LSAMP: variants seen among roughly 807,000 people sequenced by gnomAD.
LSAMP encodes the protein limbic system associated membrane protein, also known as limbic system-associated membrane protein.
Under a neutral mutation model 38.6 loss-of-function variants are expected in LSAMP, and 7 were observed. The ratio of observed to expected loss-of-function variants is 0.18; its 90% CI spans 0.10 to 0.34. The LOEUF is 0.34. LSAMP is among the 10% of genes least tolerant of loss of function. The pLI is 1.00. For synonymous variants in LSAMP, 154 were observed against 166.8 expected, an observed-to-expected ratio of 0.92 and a Z score of 0.59; for missense variants, 313 against 420.0, an observed-to-expected ratio of 0.75 and a Z score of 2.23.
intron 1 of LSAMP, among the ~76,000 whole-genome samples, chr3:116,431,198 C>T (rs996334467): frequency 6.6e-6 from 1 of 151,760 alleles, no homozygotes; most frequent in Non-Finnish European, 1.5e-5. Context: ...ATTATTTTGG[C>T]GTAATTGCTT....
chr3:115,945,756 T>C (rs1347028292), intron 3 of LSAMP, among the ~76,000 whole-genome samples: 1 of 152,060 alleles, frequency 6.6e-6, no homozygotes, highest in Admixed American at 6.6e-5. Context: ...TAAAAAGAAG[T>C]TTCAATCTAA....
intron 1 of LSAMP, among the ~76,000 whole-genome samples, chr3:116,273,061 C>T (rs1004288023): frequency 8.5e-5 from 13 of 152,118 alleles, no homozygotes; most frequent in South Asian, 4.1e-4. Context: ...GCTCACTGTT[C>T]GCTCAAAGGT....
At chr3:116,143,636 C>T (rs1709424704) in intron 1 of LSAMP, among the ~76,000 whole-genome samples, 1 of 151,922 alleles carries the variant, frequency 6.6e-6, no homozygotes, top group Non-Finnish European at 1.5e-5. Flanking sequence ...TTAACTATGA[C>T]CCCTTTCACC....
intron 1 of LSAMP, among the ~76,000 whole-genome samples, chr3:116,159,163 A>G (rs1359519684): frequency 2.6e-5 from 4 of 152,154 alleles, no homozygotes; most frequent in Admixed American, 2.6e-4. Flanking sequence ...CTTGAAGACA[A>G]CCTAGGAAAT....
At chr3:116,030,271 C>G (rs9848298) in intron 2 of LSAMP, among the ~76,000 whole-genome samples, 69,660 of 152,002 alleles carry the variant, frequency 0.46, 17,384 homozygotes, top group African/African-American at 0.67. Flanking sequence ...TTCAGCTAAG[C>G]GTGTCCATTA....
chr3:115,890,362 A>G (rs917259272), intron 3 of LSAMP, among the ~76,000 whole-genome samples: 1 of 151,930 alleles, frequency 6.6e-6, no homozygotes, highest in Non-Finnish European at 1.5e-5. Context: ...ATGTAACTCT[A>G]CATGATAATC....
intron 1 of LSAMP, among the ~76,000 whole-genome samples, chr3:116,267,874 G>A (rs1476413572): frequency 6.6e-6 from 1 of 151,972 alleles, no homozygotes; most frequent in Non-Finnish European, 1.5e-5. Context: ...CTTGCTGATG[G>A]AATGACCAAT....
At chr3:115,923,557 AT>A (rs1246216428) in intron 3 of LSAMP, among the ~76,000 whole-genome samples, 1 of 152,202 alleles carries the variant, frequency 6.6e-6, no homozygotes, top group Non-Finnish European at 1.5e-5. Flanking sequence ...GTAAGTCTTA[AT>A]TTAGATAATC....
intron 1 of LSAMP, among the ~76,000 whole-genome samples, chr3:116,087,300 AG>A (rs1708013717): frequency 6.6e-6 from 1 of 152,246 alleles, no homozygotes; most frequent in Non-Finnish European, 1.5e-5. Flanking sequence ...TAGATCAAAA[AG>A]GGTAAAGGAA....
intron 3 of LSAMP, among the ~76,000 whole-genome samples, chr3:115,887,118 G>T (rs1032638592): frequency 1.3e-5 from 2 of 151,792 alleles, no homozygotes; most frequent in Non-Finnish European, 2.9e-5. Flanking sequence ...TGGGACAAAG[G>T]AATAGCCTAT....
chr3:115,995,328 T>A (rs1219538081), intron 3 of LSAMP, among the ~76,000 whole-genome samples: 1 of 152,046 alleles, frequency 6.6e-6, no homozygotes, highest in African/African-American at 2.4e-5. Flanking sequence ...CCAGTACTGA[T>A]CCCAGACAAG....
intron 3 of LSAMP, among the ~76,000 whole-genome samples, chr3:115,918,608 C>G (rs1245178063): frequency 6.6e-6 from 1 of 151,952 alleles, no homozygotes; most frequent in Non-Finnish European, 1.5e-5. Flanking sequence ...ATGGCTTTGG[C>G]TGAGTGATGA....
intron 3 of LSAMP, among the ~76,000 whole-genome samples, chr3:115,950,284 A>C (rs568193106): frequency 1.3e-5 from 2 of 152,282 alleles, no homozygotes; most frequent in African/African-American, 2.4e-5. Context: ...GGTAAAGAGG[A>C]AGTCAAACTG....
intron 1 of LSAMP, among the ~76,000 whole-genome samples, chr3:116,169,403 T>C (rs1426007614): frequency 6.6e-6 from 1 of 152,198 alleles, no homozygotes; most frequent in Admixed American, 6.5e-5. Flanking sequence ...GAGAAAAAAG[T>C]GGGAAGATAG....
intron 1 of LSAMP, among the ~76,000 whole-genome samples, chr3:116,386,970 A>G (rs1426243053): frequency 6.6e-6 from 1 of 152,206 alleles, no homozygotes; most frequent in Non-Finnish European, 1.5e-5. Flanking sequence ...GCTAAGATAC[A>G]GAAGAACAGA....
Position 116,290,734 on chromosome 3 carries a change from AAATAATAATAATAAT to A in LSAMP, c.155+154128_155+154142del, listed in dbSNP as rs201227569. Among the ~76,000 whole-genome samples the A allele has an allele frequency of 4.2e-3, 594 of 140,494 alleles. 7 individuals are homozygous for A. The highest frequency in any genetic ancestry group is 0.014 in the African/African-American group (559 of 38,884). The allele number at this position is 140,494 out of a possible 152,430, so 92.2% of individuals were successfully genotyped here. ...GACAGAGCGAGACTCTGTCTCACAAAAATAATAATAATAATAATAATAATAATAATAATAATAATA... is the reference window on the plus strand; with the variant it reads ...GACAGAGCGAGACTCTGTCTCACAAAAATAATAATAATAATAATAATAATA... On this transcript the variant is annotated intron_variant, in intron 1 of 6. Transcript: ENST00000490035.
intron 1 of LSAMP, among the ~76,000 whole-genome samples, chr3:116,263,127 C>T (rs545180530): frequency 2.0e-4 from 31 of 152,100 alleles, no homozygotes; most frequent in Admixed American, 7.9e-4. Context: ...AGCGTGGGAC[C>T]ACTTGTTTAA....
In LSAMP at chr3:115,897,066, C is replaced by A. The variant is rs1239109403; in HGVS notation, c.515-44449G>T. ...TAGCTGATGGGGAAGGAATAAGAAGCCTCGCTTATGATTCCAAGATTAAGC... is the reference window on the plus strand; with the variant it reads ...TAGCTGATGGGGAAGGAATAAGAAGACTCGCTTATGATTCCAAGATTAAGC... On this transcript the variant is annotated intron_variant, in intron 3 of 6. Transcript: ENST00000490035. Among the ~76,000 whole-genome samples, 3 of 152,090 alleles carry A rather than the reference C, an allele frequency of 2.0e-5. No individual in the cohort carries two copies. The East Asian group carries it at 5.8e-4, about 29-fold the overall frequency.
chr3:116,406,809 G>A (rs1462321927), intron 1 of LSAMP, among the ~76,000 whole-genome samples: 1 of 151,864 alleles, frequency 6.6e-6, no homozygotes, highest in African/African-American at 2.4e-5. Context: ...GAGAGTAACA[G>A]GGAGACTGAG....
Sources: gnomAD v4.1 joint callset for allele counts (sites outside exome capture counted in the v4.1 genomes callset) on GRCh38, gnomAD v4.1.1 for gene constraint, MANE v1.5 for transcripts, NCBI Gene and HGNC (gene_info 2026-07-23, HGNC 2026-07-21) for gene names.